The following KDM6A variants were observed in gnomAD, a reference collection of about 807,000 sequenced individuals.
The protein encoded by KDM6A is lysine-specific demethylase 6A.
KDM6A carries 11 observed loss-of-function variants against 117.6 expected under a neutral mutation model. The ratio of observed to expected loss-of-function variants is 0.09; its 90% CI spans 0.06 to 0.15. The LOEUF (loss-of-function observed/expected upper bound fraction) is 0.15, where lower values mean the gene tolerates loss of function less well. Ranked by LOEUF, KDM6A falls within the 10% of genes least tolerant of loss-of-function variation. The probability of loss-of-function intolerance (pLI) is 1.00; values close to 1 mark genes in which losing one functional copy is unlikely to be tolerated. For missense variants in KDM6A, 799 were observed against 1,077.3 expected, an observed-to-expected ratio of 0.74 and a Z score of 3.62; for synonymous variants, 384 against 396.1, an observed-to-expected ratio of 0.97 and a Z score of 0.36.
chrX:45,051,876 A>G, intron 9 of KDM6A, 74 bp downstream of exon 9: 2 of 575,606 alleles, frequency 3.5e-6, no homozygotes, highest in Non-Finnish European at 5.9e-6. Flanking sequence ...TGTGGCAAAT[A>G]TGTGGCTCAT....
intron 2 of KDM6A, among the ~76,000 whole-genome samples, chrX:44,882,607 TC>T (rs770465529): frequency 8.9e-5 from 10 of 112,687 alleles, no homozygotes; most frequent in African/African-American, 3.2e-4. Context: ...AGGTAATTTT[TC>T]CTGAGAACTT....
chrX:44,963,781 G>A (rs2038861296), intron 3 of KDM6A, among the ~76,000 whole-genome samples: 1 of 110,225 alleles, frequency 9.1e-6, no homozygotes, highest in South Asian at 3.9e-4. Context: ...GTGCAGTGGC[G>A]TGATCTCAGC....
intron 27 of KDM6A, chrX:45,106,740 C>A: frequency 1.0e-5 from 3 of 290,483 alleles, no homozygotes; most frequent in Non-Finnish European, 2.0e-5. Flanking sequence ...TTGTTAGCAT[C>A]CTAAGTATGA....
intron 2 of KDM6A, among the ~76,000 whole-genome samples, chrX:44,905,090 GT>G (rs777335214): frequency 8.9e-6 from 1 of 112,004 alleles, no homozygotes; most frequent in East Asian, 2.8e-4. Flanking sequence ...GGACTACAAT[GT>G]TTTGTTATCA....
chrX:45,028,104 C>T lies in KDM6A; in HGVS notation c.565-6827C>T, dbSNP rs770218525. Among the ~76,000 whole-genome samples, 4 of 112,097 alleles carry T rather than the reference C, an allele frequency of 3.6e-5. No individual in the cohort carries two copies. In the East Asian group the frequency reaches 1.1e-3, roughly 32 times the overall value. On this transcript the variant is annotated intron_variant, in intron 6 of 29. Transcript: ENST00000611820. The stretch of plus-strand genomic sequence containing the variant: ...CTGGGATTACAGGCGTGAGCCACCA[C>T]GCCCGGCCTGTACTTTTTATTTAAT...
chrX:45,011,581 C>G (rs955042325), intron 5 of KDM6A, among the ~76,000 whole-genome samples: 4 of 110,201 alleles, frequency 3.6e-5, no homozygotes, highest in African/African-American at 1.3e-4. Context: ...AGTGAAGTAC[C>G]CTGTAATATT....
intron 27 of KDM6A, among the ~76,000 whole-genome samples, chrX:45,100,331 C>T (rs2046291361): frequency 9.0e-6 from 1 of 110,966 alleles, no homozygotes; most frequent in Non-Finnish European, 1.9e-5. Flanking sequence ...TTGATAAAGC[C>T]GACCCCCAGC....
intron 7 of KDM6A, among the ~76,000 whole-genome samples, chrX:45,036,423 A>T: frequency 8.9e-6 from 1 of 112,383 alleles, no homozygotes; most frequent in Non-Finnish European, 1.9e-5. Flanking sequence ...TACTTTTACT[A>T]AAGGTAATTT....
intron 6 of KDM6A, among the ~76,000 whole-genome samples, chrX:45,021,468 T>G (rs184489019): frequency 4.0e-4 from 45 of 111,627 alleles, no homozygotes; most frequent in Non-Finnish European, 6.8e-4. Context: ...TTATAATGGT[T>G]GTTGTATTCT....
intron 4 of KDM6A, among the ~76,000 whole-genome samples, chrX:44,975,111 A>G (rs962476694): frequency 1.8e-5 from 2 of 111,211 alleles, no homozygotes; most frequent in African/African-American, 6.5e-5. Flanking sequence ...GTTATGATAA[A>G]CTCTTTCTTG....
chrX:44,990,399 A>G (rs919061485), intron 4 of KDM6A, among the ~76,000 whole-genome samples: 2 of 109,942 alleles, frequency 1.8e-5, no homozygotes, highest in Admixed American at 9.7e-5. Context: ...AATTAGCCCA[A>G]TGTGGTGGCA....
chrX:45,063,931 TTGTGGCACTACAA>T (rs1173555580), intron 17 of KDM6A, 114 bp downstream of exon 17: 7 of 714,109 alleles, frequency 9.8e-6, no homozygotes, highest in Non-Finnish European at 1.3e-5. Flanking sequence ...TATAAGAATT[TTGTGGCACTACAA>T]TGTTACTACA....
intron 27 of KDM6A, among the ~76,000 whole-genome samples, chrX:45,094,512 C>T (rs772130852): frequency 8.9e-6 from 1 of 111,864 alleles, no homozygotes; most frequent in African/African-American, 3.2e-5. Flanking sequence ...AAGTCCAGCA[C>T]AGTTACGTTT....
chrX:45,020,867 A>G lies in KDM6A; in HGVS notation c.564+137A>G, dbSNP rs1033664277. The G allele has an allele frequency of 1.9e-5, 13 of 668,519 alleles. No individual in the cohort carries two copies. The Admixed American group carries it at 3.6e-4, about 19-fold the overall frequency. 55.1% of individuals were successfully genotyped at this position (668,519 alleles called of 1,213,427 possible). On this transcript the variant is annotated intron_variant, in intron 6 of 29. Transcript: ENST00000611820. ...AAAAGAAAATTTGAAAATTCAGGTG[A>G]CAGAACTGTTTATCAACTGTGAAGT...
chrX:44,897,261 TATTTTAGG>T (rs1247484208), intron 2 of KDM6A, among the ~76,000 whole-genome samples: 1 of 102,106 alleles, frequency 9.8e-6, no homozygotes, highest in African/African-American at 4.0e-5. Context: ...AAAGAGTTTT[TATTTTAGG>T]TTTTTTTTTT....
intron 17 of KDM6A, 57 bp downstream of exon 17, chrX:45,063,874 T>G (rs1053642304): frequency 9.1e-5 from 96 of 1,054,169 alleles, no homozygotes; most frequent in Non-Finnish European, 1.2e-4. Context: ...TTACTGGGTT[T>G]TATACACTTT....
chrX:45,035,576 G>A (rs1200443194), intron 7 of KDM6A, among the ~76,000 whole-genome samples: 2 of 111,008 alleles, frequency 1.8e-5, no homozygotes, highest in African/African-American at 3.3e-5. Flanking sequence ...TATGTTTATC[G>A]ATATGTATTT....
chrX:44,992,520 G>T (rs1416298278), intron 4 of KDM6A, among the ~76,000 whole-genome samples: 5 of 108,472 alleles, frequency 4.6e-5, no homozygotes, highest in Non-Finnish European at 9.6e-5. Flanking sequence ...AACGTGCCTG[G>T]CCAGCAATAC....
Position 45,061,483 on chromosome X carries a change from A to AT in KDM6A, c.1581+90dup, listed in dbSNP as rs1161774144. 0.057 allele frequency: 12,777 copies of AT among 222,746 alleles called. 433 individuals carry two copies. Among genetic ancestry groups the AT allele is most frequent in the African/African-American group, 0.14 (2,314 of 16,815 alleles). The allele number at this position is 222,746 out of a possible 1,213,427, so 18.4% of individuals were successfully genotyped here. On this transcript the variant is annotated intron_variant, in intron 15 of 29. Coordinates refer to ENST00000611820, the MANE Select transcript of KDM6A (RefSeq NM_001291415.2). ...GAGTAGAGGTAGCAAACAAGTATTA[A>AT]TTTTTTTTTTTTTTTTTTTTTTTTT...
Sources: allele counts gnomAD v4.1 joint callset (sites outside exome capture counted in the v4.1 genomes callset), GRCh38; gene constraint gnomAD v4.1.1; transcripts MANE v1.5; gene names NCBI Gene and HGNC (gene_info 2026-07-23, HGNC 2026-07-21).